The following EYA1 variants were observed in gnomAD, a reference collection of about 807,000 sequenced individuals.
EYA1 encodes the protein protein phosphatase EYA1.
In EYA1, 16 loss-of-function variants were observed where a neutral mutation model predicts 82.0. That is an observed-to-expected ratio of 0.20 (90% confidence interval 0.13 to 0.30). EYA1 has a LOEUF of 0.30. EYA1 is among the 10% of genes least tolerant of loss of function. The pLI is 1.00. For missense variants in EYA1, 633 were observed against 730.7 expected (o/e 0.87, Z 1.54); for synonymous variants, 261 against 264.4 (o/e 0.99, Z 0.12).
chr8:71,264,202 T>C (rs151154883), intron 11 of EYA1, among the ~76,000 whole-genome samples: 35 of 152,294 alleles, frequency 2.3e-4, no homozygotes, highest in African/African-American at 7.9e-4. Flanking sequence ...GCTAAGAGTT[T>C]AGCTTCTTCA....
intron 4 of EYA1, among the ~76,000 whole-genome samples, chr8:71,326,295 T>C (rs1319882816): frequency 2.6e-5 from 4 of 152,052 alleles, no homozygotes; most frequent in African/African-American, 9.7e-5. Context: ...GCCAATCAGG[T>C]CAAAAGCCTA....
intron 2 of EYA1, among the ~76,000 whole-genome samples, chr8:71,422,830 AC>A (rs1165764982): frequency 2.0e-5 from 3 of 151,984 alleles, no homozygotes; most frequent in African/African-American, 7.3e-5. Context: ...TGACTAAATT[AC>A]CCCCCACGGG....
intron 11 of EYA1, among the ~76,000 whole-genome samples, chr8:71,268,101 A>T (rs982460344): frequency 3.3e-5 from 5 of 152,210 alleles, no homozygotes; most frequent in African/African-American, 1.2e-4. Flanking sequence ...TTGAAAGTTC[A>T]GTAGGTCATG....
intron 4 of EYA1, among the ~76,000 whole-genome samples, chr8:71,328,005 G>A (rs554445406): frequency 4.5e-4 from 68 of 151,872 alleles, no homozygotes; most frequent in African/African-American, 1.5e-3. Context: ...ACAGGTGCCC[G>A]CCACCATGCC....
At chr8:71,513,743 C>T (rs2129257364) in intron 2 of EYA1, among the ~76,000 whole-genome samples, 1 of 152,248 alleles carries the variant, frequency 6.6e-6, no homozygotes, top group East Asian at 1.9e-4. Context: ...CCTCCCACCT[C>T]CTCTCCAGCT....
intron 2 of EYA1, among the ~76,000 whole-genome samples, chr8:71,426,471 C>A (rs1359411446): frequency 6.6e-6 from 1 of 152,194 alleles, no homozygotes; most frequent in Admixed American, 6.5e-5. Flanking sequence ...AGGGAGAGTG[C>A]AGTATGCAGG....
At chr8:71,440,908 C>A (rs1806383451) in intron 2 of EYA1, among the ~76,000 whole-genome samples, 1 of 152,050 alleles carries the variant, frequency 6.6e-6, no homozygotes, top group South Asian at 2.1e-4. Flanking sequence ...GTAAGGATAT[C>A]CCCCTATGGA....
intron 1 of EYA1, among the ~76,000 whole-genome samples, chr8:71,546,142 C>A (rs1393859686): frequency 3.3e-5 from 5 of 152,258 alleles, no homozygotes; most frequent in African/African-American, 1.2e-4. Context: ...CCCCTTCCAC[C>A]CAGAGTCCTA....
rs556134321 is a variant in EYA1, at chr8:71,500,577, C to T, written c.33+35167G>A. On this transcript the variant is annotated intron_variant, in intron 2 of 18. Coordinates refer to the EYA1 transcript ENST00000643681. ...ACAAACAAACAAACAAACAGGAAAT[C>T]ACCTCCCATCAATCAGTATTTACTC... is the stretch of plus-strand genomic sequence containing the variant. Among the ~76,000 whole-genome samples the T allele has an allele frequency of 1.9e-4, 29 of 152,284 alleles. 1 individual carries two copies. In the South Asian group the frequency reaches 5.8e-3, roughly 31 times the overall value.
chr8:71,533,652 G>T (rs529554516), intron 2 of EYA1, among the ~76,000 whole-genome samples: 1 of 152,174 alleles, frequency 6.6e-6, no homozygotes, highest in Admixed American at 6.5e-5. Context: ...TTCCCATCTT[G>T]AGCCTCTCTC....
At chr8:71,343,090 G>C (rs905177881) in intron 3 of EYA1, among the ~76,000 whole-genome samples, 2 of 152,172 alleles carry the variant, frequency 1.3e-5, no homozygotes, top group Non-Finnish European at 2.9e-5. Flanking sequence ...CACTAGAGAA[G>C]CTTTGGGAGG....
At chr8:71,276,641 A>T (rs1817210017) in intron 9 of EYA1, among the ~76,000 whole-genome samples, 1 of 152,172 alleles carries the variant, frequency 6.6e-6, no homozygotes, top group African/African-American at 2.4e-5. Context: ...TCTTGCCTTA[A>T]TTCTTGCAAC....
intron 12 of EYA1, among the ~76,000 whole-genome samples, chr8:71,234,451 T>A (rs901614441): frequency 9.2e-5 from 14 of 152,138 alleles, no homozygotes; most frequent in Non-Finnish European, 1.8e-4. Context: ...CTTATCAGGG[T>A]CATTAACAGC....
chr8:71,456,054 C>G (rs1463807529), intron 2 of EYA1, among the ~76,000 whole-genome samples: 1 of 152,208 alleles, frequency 6.6e-6, no homozygotes, highest in Non-Finnish European at 1.5e-5. Context: ...GCAACTTCAG[C>G]AAAGTCTCAG....
chr8:71,321,909 A>C (rs373125762), intron 5 of EYA1, 30 bp from the exon 6 acceptor site: 9 of 1,614,164 alleles, frequency 5.6e-6, no homozygotes, highest in Non-Finnish European at 7.6e-6. Flanking sequence ...GAAAATAGAA[A>C]GCCCATGCAT....
At chr8:71,387,095 C>A (rs932891590) in intron 2 of EYA1, among the ~76,000 whole-genome samples, 1 of 152,130 alleles carries the variant, frequency 6.6e-6, no homozygotes, top group Admixed American at 6.5e-5. Context: ...TATCAGGCAA[C>A]TGGAATGTGT....
intron 6 of EYA1, 81 bp from the exon 7 acceptor site, chr8:71,317,770 G>A (rs982817072): frequency 1.7e-5 from 23 of 1,316,002 alleles, no homozygotes; most frequent in East Asian, 2.3e-5. Context: ...TTCCACAACC[G>A]TTTAACTACA....
At chr8:71,490,460 G>A (rs956320631) in intron 2 of EYA1, among the ~76,000 whole-genome samples, 10 of 152,196 alleles carry the variant, frequency 6.6e-5, no homozygotes, top group African/African-American at 2.2e-4. Context: ...AGGCTTTTAC[G>A]ACTTATGTTT....
intron 7 of EYA1, among the ~76,000 whole-genome samples, chr8:71,305,646 CAAAT>C (rs3086567): frequency 0.32 from 46,487 of 146,604 alleles, 7,718 homozygotes; most frequent in East Asian, 0.57. Flanking sequence ...AACTCTATCT[CAAAT>C]AAATAAATAA....
Sources: allele counts gnomAD v4.1 joint callset (sites outside exome capture counted in the v4.1 genomes callset), GRCh38; gene constraint gnomAD v4.1.1; transcripts MANE v1.5; gene names NCBI Gene and HGNC (gene_info 2026-07-23, HGNC 2026-07-21).